SMURF1: variants seen among roughly 807,000 people sequenced by gnomAD.
SMURF1 encodes the protein E3 ubiquitin-protein ligase SMURF1.
A neutral mutation model predicts 98.0 loss-of-function variants in SMURF1; 44 were observed. The ratio of observed to expected loss-of-function variants is 0.45; its 90% confidence interval spans 0.35 to 0.58. SMURF1 has a LOEUF of 0.58. Ranked by LOEUF, SMURF1 falls within the 20% of genes least tolerant of loss-of-function variation. The probability of loss-of-function intolerance (pLI) is 0.00; values close to 1 mark genes in which losing one functional copy is unlikely to be tolerated. For missense variants in SMURF1, 687 were observed against 938.4 expected (o/e 0.73, Z 3.50); for synonymous variants, 396 against 374.9 (o/e 1.06, Z -0.65).
chr7:99,052,407 G>T lies in SMURF1; in HGVS notation c.519C>A (p.Ser173Arg). Residue 173 changes from serine (S) to arginine (R), a missense_variant, in exon 7 of 18, where the codon AGC (serine) becomes AGA (arginine). Ser to Arg is a moderately radical substitution (Grantham distance 110, BLOSUM62 -1). This residue lies in a region of SMURF1 where 415 missense variants were observed against 508.4 expected (regional missense o/e 0.82). Transcript: ENST00000361368. ...YEDSGPGRPL[S>R]CFMEEPAPYT... is the part of the protein sequence containing the mutation. Reference sequence around the variant, plus strand: ...AAGGGGCTGGTTCCTCCATGAAGCAGCTGAGCGGCCTCCCAGGCCCGGAGT... The same window carrying T: ...AAGGGGCTGGTTCCTCCATGAAGCATCTGAGCGGCCTCCCAGGCCCGGAGT... 6.3e-7 allele frequency: 1 copy of T among 1,598,838 alleles called. No homozygotes were observed. Among genetic ancestry groups the T allele is most frequent in the Non-Finnish European group, 8.5e-7 (1 of 1,171,338 alleles).
At chr7:99,136,451 C>A (rs770375646) in intron 1 of SMURF1, among the ~76,000 whole-genome samples, 1 of 151,676 alleles carries the variant, frequency 6.6e-6, no homozygotes. Context: ...AATTTTCCAT[C>A]CAGCTAAAGT....
intron 1 of SMURF1, among the ~76,000 whole-genome samples, chr7:99,122,730 C>T: frequency 7.3e-6 from 1 of 136,226 alleles, no homozygotes; most frequent in South Asian, 2.4e-4. Context: ...TGCCACAGGG[C>T]TTTTTTCTTT....
chr7:99,030,587 C>T lies in SMURF1; in HGVS notation c.2193G>A (p.Glu731=). ...AVEETCGFAV[E] ...CTCTGTTGCCTTTGGTTGCTTTTCA[C>T]TCCACAGCAAACCCGCAGGTCTCCT... Residue 731 remains glutamate, a synonymous_variant, in exon 18 of 18, where the codon GAG becomes GAA. Transcript: ENST00000361368. 2.5e-6 allele frequency: 4 copies of T among 1,614,094 alleles called. No individual in the cohort carries two copies. Among genetic ancestry groups the T allele is most frequent in the Non-Finnish European group, 3.4e-6 (4 of 1,179,952 alleles).
At chr7:99,048,598 G>A (rs1304048254) in intron 9 of SMURF1, 1 of 152,278 alleles carries the variant, frequency 6.6e-6, no homozygotes, top group African/African-American at 2.4e-5. Context: ...GAACTCAAAT[G>A]AAATCTCATG....
chr7:99,063,281 A>ATATATG (rs1796104829), intron 1 of SMURF1, among the ~76,000 whole-genome samples: 8 of 18,776 alleles, frequency 4.3e-4, no homozygotes, highest in African/African-American at 9.3e-4. Context: ...ATATATATAT[A>ATATATG]TATATATATA....
At chr7:99,080,709 T>C (rs1416774480) in intron 1 of SMURF1, among the ~76,000 whole-genome samples, 1 of 152,150 alleles carries the variant, frequency 6.6e-6, no homozygotes, top group Non-Finnish European at 1.5e-5. Flanking sequence ...AGAGAAGCCA[T>C]CCCAACTGAG....
intron 1 of SMURF1, among the ~76,000 whole-genome samples, chr7:99,105,881 C>G (rs1797183796): frequency 6.6e-6 from 1 of 152,220 alleles, no homozygotes; most frequent in Non-Finnish European, 1.5e-5. Flanking sequence ...TCTCCCAACA[C>G]ATTTTGCCAA....
At chr7:99,053,044 G>T (rs1052292765) in intron 6 of SMURF1, among the ~76,000 whole-genome samples, 1 of 152,126 alleles carries the variant, frequency 6.6e-6, no homozygotes, top group African/African-American at 2.4e-5. Flanking sequence ...GTGACAGAGC[G>T]AGACTCCATC....
intron 7 of SMURF1, 117 bp from the exon 8 acceptor site, chr7:99,051,558 ATC>A: frequency 1.3e-6 from 1 of 783,922 alleles, no homozygotes; most frequent in South Asian, 1.5e-5. Flanking sequence ...CTCCCCTCTT[ATC>A]CCAGTTCTTC....
At chr7:99,069,060 A>G (rs2150553650) in intron 1 of SMURF1, among the ~76,000 whole-genome samples, 1 of 152,306 alleles carries the variant, frequency 6.6e-6, no homozygotes, top group Non-Finnish European at 1.5e-5. Flanking sequence ...TTGTGATGTT[A>G]TGTCTTTCCT....
intron 1 of SMURF1, among the ~76,000 whole-genome samples, chr7:99,125,858 C>T (rs1245022951): frequency 7.2e-5 from 11 of 152,310 alleles, no homozygotes; most frequent in East Asian, 3.9e-4. Context: ...CCAATCTCCC[C>T]GACAACTCAC....
At position 99,092,853 on chromosome 7, in the gene SMURF1, T is replaced by C. The variant is rs144298175; in HGVS notation, c.56-31016A>G. 3.1e-3 allele frequency among the ~76,000 whole-genome samples: 474 copies of C among 152,280 alleles called. 2 individuals are homozygous for C. The highest frequency in any genetic ancestry group is 0.011 in the African/African-American group (455 of 41,552). On this transcript the variant is annotated intron_variant, in intron 1 of 17. Coordinates refer to ENST00000361368, the MANE Select transcript of SMURF1 (RefSeq NM_181349.3). ...AATCAGTCGAAGACAATGTTGCAAC[T>C]TGAGGATCACAGGACCCTAACCCCC...
At chr7:99,133,432 A>G (rs1038831507) in intron 1 of SMURF1, among the ~76,000 whole-genome samples, 1 of 152,134 alleles carries the variant, frequency 6.6e-6, no homozygotes, top group Non-Finnish European at 1.5e-5. Context: ...TAAGGTATAG[A>G]TTAGAGAAAA....
At chr7:99,063,260 T>G (rs1448110254) in intron 1 of SMURF1, among the ~76,000 whole-genome samples, 2 of 6,480 alleles carry the variant, frequency 3.1e-4, no homozygotes, top group South Asian at 3.7e-3. Flanking sequence ...TATATATATA[T>G]ATATATATAT....
Position 99,030,534 on chromosome 7 carries a change from G to T in SMURF1, c.*50C>A. On this transcript the variant is annotated 3_prime_UTR_variant, in exon 18 of 18. Coordinates refer to ENST00000361368, the MANE Select transcript of SMURF1 (RefSeq NM_181349.3). Reference sequence around the variant, plus strand: ...TGCAGGAGGTGCACAGAAGCTGGATGCTTTTGGTCTGGTGGCCATGAGCTA... The same window carrying T: ...TGCAGGAGGTGCACAGAAGCTGGATTCTTTTGGTCTGGTGGCCATGAGCTA... 6.7e-7 allele frequency: 1 copy of T among 1,488,204 alleles called. No individual in the cohort carries two copies. Among genetic ancestry groups the T allele is most frequent in the Non-Finnish European group, 9.4e-7 (1 of 1,067,358 alleles). 92.2% of individuals were successfully genotyped at this position (1,488,204 alleles called of 1,614,324 possible). A position where few individuals can be genotyped will look rare whatever the true frequency, so the allele number is the denominator to read the frequency against.
intron 3 of SMURF1, among the ~76,000 whole-genome samples, chr7:99,058,894 G>A (rs1180488522): frequency 1.3e-5 from 2 of 152,004 alleles, no homozygotes; most frequent in African/African-American, 2.4e-5. Context: ...AGACCAGCCT[G>A]GCCAACATGG....
At chr7:99,053,788 TG>T (rs1407096818) in intron 6 of SMURF1, among the ~76,000 whole-genome samples, 2 of 152,226 alleles carry the variant, frequency 1.3e-5, no homozygotes, top group Admixed American at 1.3e-4. Flanking sequence ...CATTAATTCA[TG>T]GGGGACTGCA....
chr7:99,061,885 C>A (rs749205125), intron 1 of SMURF1, 48 bp from the exon 2 acceptor site: 1 of 1,364,882 alleles, frequency 7.3e-7, no homozygotes, highest in South Asian at 1.4e-5. Flanking sequence ...GACGAGATTT[C>A]CATAATAGCT....
At chr7:99,135,947 A>C (rs539790618) in intron 1 of SMURF1, among the ~76,000 whole-genome samples, 8 of 152,342 alleles carry the variant, frequency 5.3e-5, no homozygotes, top group African/African-American at 1.9e-4. Flanking sequence ...TAGATGAAAA[A>C]TTGTTTCATT....
Sources: gnomAD v4.1 joint callset for allele counts (sites outside exome capture counted in the v4.1 genomes callset) on GRCh38, gnomAD v4.1.1 for gene constraint, gnomAD v4.1.1 regional missense constraint, MANE v1.5 for transcripts, NCBI Gene and HGNC (gene_info 2026-07-23, HGNC 2026-07-21) for gene names.